The following ZNF804A variants were observed in gnomAD, a reference collection of about 807,000 sequenced individuals.
ZNF804A encodes the protein zinc finger protein 804A.
In ZNF804A, 2 loss-of-function variants were observed where a neutral mutation model predicts 16.5. The observed-to-expected ratio is 0.12, with a 90% CI of 0.05 to 0.38. ZNF804A has a LOEUF of 0.38. Ranked by LOEUF, ZNF804A falls within the 10% of genes least tolerant of loss-of-function variation. The pLI is 0.99. For missense variants in ZNF804A, 1,473 were observed against 1,390.7 expected, an observed-to-expected ratio of 1.06 and a Z score of -0.94; for synonymous variants, 534 against 489.6, an observed-to-expected ratio of 1.09 and a Z score of -1.20.
At chr2:184,795,577 T>A in intron 1 of ZNF804A, among the ~76,000 whole-genome samples, 1 of 150,280 alleles carries the variant, frequency 6.7e-6, no homozygotes, top group Non-Finnish European at 1.5e-5. Flanking sequence ...AGGATCAGAG[T>A]AGAAATAAAT....
At chr2:184,927,618 A>C (rs888203856) in intron 2 of ZNF804A, among the ~76,000 whole-genome samples, 4 of 152,188 alleles carry the variant, frequency 2.6e-5, no homozygotes, top group African/African-American at 7.2e-5. Context: ...TCTTAAAGCC[A>C]GGGTCCAGAA....
intron 1 of ZNF804A, among the ~76,000 whole-genome samples, chr2:184,727,045 A>G (rs1040382508): frequency 1.3e-5 from 2 of 151,664 alleles, no homozygotes; most frequent in African/African-American, 4.8e-5. Flanking sequence ...AACCTTATCT[A>G]TAAGCAAAAT....
intron 1 of ZNF804A, among the ~76,000 whole-genome samples, chr2:184,803,320 G>A (rs1413341531): frequency 6.6e-6 from 1 of 151,952 alleles, no homozygotes; most frequent in East Asian, 1.9e-4. Flanking sequence ...CACCCTGACT[G>A]CCATATTTAT....
intron 1 of ZNF804A, among the ~76,000 whole-genome samples, chr2:184,809,417 T>C (rs1694858722): frequency 6.6e-6 from 1 of 151,762 alleles, no homozygotes; most frequent in Non-Finnish European, 1.5e-5. Context: ...AAAAGAAAAG[T>C]ATTCTGGATT....
rs892601797 is a variant in ZNF804A at position 184,682,054 on chromosome 2, G to T, written c.111+82984G>T. Among the ~76,000 whole-genome samples the T allele has an allele frequency of 3.9e-5, 6 of 152,206 alleles. No homozygotes were observed. The South Asian group carries it at 6.2e-4, about 16-fold the overall frequency. Reference sequence around the variant, plus strand: ...GCCTCAGCCCCCTCTGAAACTTTGGGCACCAACAAGCTTAGGGAGGGAGAC... The same window carrying T: ...GCCTCAGCCCCCTCTGAAACTTTGGTCACCAACAAGCTTAGGGAGGGAGAC... On this transcript the variant is annotated intron_variant, in intron 1 of 3. Coordinates refer to ENST00000302277, the MANE Select transcript of ZNF804A (RefSeq NM_194250.2).
intron 2 of ZNF804A, among the ~76,000 whole-genome samples, chr2:184,871,597 T>C (rs1182473913): frequency 1.3e-5 from 2 of 151,838 alleles, no homozygotes; most frequent in Non-Finnish European, 2.9e-5. Context: ...AAATACAGAA[T>C]ACAATATATA....
intron 2 of ZNF804A, among the ~76,000 whole-genome samples, chr2:184,926,759 AT>A (rs1685618791): frequency 6.6e-6 from 1 of 151,792 alleles, no homozygotes; most frequent in South Asian, 2.1e-4. Flanking sequence ...AAGCTCACTA[AT>A]TTTTTCTTCT....
At chr2:184,849,544 TC>T (rs1695571483) in intron 1 of ZNF804A, among the ~76,000 whole-genome samples, 1 of 151,948 alleles carries the variant, frequency 6.6e-6, no homozygotes, top group Non-Finnish European at 1.5e-5. Context: ...ATACCATCTT[TC>T]CCCAGTTAAA....
At chr2:184,617,165 A>G (rs1332271178) in intron 1 of ZNF804A, among the ~76,000 whole-genome samples, 1 of 152,142 alleles carries the variant, frequency 6.6e-6, no homozygotes, top group Admixed American at 6.6e-5. Context: ...AATTTAATAG[A>G]ATCTAACATC....
At chr2:184,897,313 C>A (rs1015894159) in intron 2 of ZNF804A, among the ~76,000 whole-genome samples, 2 of 152,030 alleles carry the variant, frequency 1.3e-5, no homozygotes, top group Non-Finnish European at 2.9e-5. Flanking sequence ...CAGGATTCCC[C>A]AGTGTTTTTT....
At chr2:184,801,519 G>C (rs188237034) in intron 1 of ZNF804A, among the ~76,000 whole-genome samples, 142 of 152,106 alleles carry the variant, frequency 9.3e-4, no homozygotes, top group African/African-American at 3.3e-3. Flanking sequence ...CATTTGGTAA[G>C]TGTCTATTAA....
At chr2:184,668,000 A>G (rs1692277891) in intron 1 of ZNF804A, among the ~76,000 whole-genome samples, 2 of 151,426 alleles carry the variant, frequency 1.3e-5, no homozygotes, top group African/African-American at 4.9e-5. Context: ...AATTTTCAGT[A>G]TATTCTAGTT....
At chr2:184,633,495 G>C (rs1386221152) in intron 1 of ZNF804A, among the ~76,000 whole-genome samples, 1 of 152,156 alleles carries the variant, frequency 6.6e-6, no homozygotes, top group South Asian at 2.1e-4. Flanking sequence ...ACCAGTAGAT[G>C]TCAGTCTGGG....
intron 1 of ZNF804A, among the ~76,000 whole-genome samples, chr2:184,857,631 T>C (rs549264902): frequency 6.6e-6 from 1 of 152,284 alleles, no homozygotes; most frequent in South Asian, 2.1e-4. Flanking sequence ...AGATATTTAA[T>C]ATTAGTTTTA....
At position 184,799,307 on chromosome 2, in the gene ZNF804A, A is replaced by AT. The variant is rs202120754; in HGVS notation, c.112-67054dup. On this transcript the variant is annotated intron_variant, in intron 1 of 3. Coordinates refer to ENST00000302277, the MANE Select transcript of ZNF804A (RefSeq NM_194250.2). The stretch of plus-strand genomic sequence containing the variant: ...ATGATGATTCCTGATGCACCGATTG[A>AT]TTTTTTTTAATGTCAAACTAGCCTT... Among the ~76,000 whole-genome samples the AT allele has an allele frequency of 6.2e-3, 948 of 151,710 alleles. 28 individuals are homozygous for AT. Among genetic ancestry groups the AT allele is most frequent in the Admixed American group, 0.052 (793 of 15,202 alleles).
intron 1 of ZNF804A, among the ~76,000 whole-genome samples, chr2:184,765,645 G>A (rs1694112710): frequency 7.0e-6 from 1 of 142,210 alleles, no homozygotes; most frequent in Non-Finnish European, 1.5e-5. Context: ...AAAGGGACAG[G>A]AATTGCTCAG....
intron 1 of ZNF804A, among the ~76,000 whole-genome samples, chr2:184,616,941 T>C (rs1559109191): frequency 6.6e-6 from 1 of 152,120 alleles, no homozygotes; most frequent in South Asian, 2.1e-4. Context: ...TCCTGAAGAA[T>C]GTTTGGATGT....
rs1054821391 is a variant in ZNF804A at position 184,678,625 on chromosome 2, T to C, written c.111+79555T>C. Among the ~76,000 whole-genome samples, 10 of 152,136 alleles carry C rather than the reference T, an allele frequency of 6.6e-5. 1 individual carries two copies. Among genetic ancestry groups the C allele is most frequent in the African/African-American group, 2.2e-4 (9 of 41,438 alleles). On this transcript the variant is annotated intron_variant, in intron 1 of 3. Transcript: ENST00000302277. Reference sequence around the variant, plus strand: ...TACAGGATGATGCCGGAGAAAAGCATTTGCATTGCTTTTCTTGATTTAAGC... The same window carrying C: ...TACAGGATGATGCCGGAGAAAAGCACTTGCATTGCTTTTCTTGATTTAAGC...
At chr2:184,778,392 G>A (rs1340337426) in intron 1 of ZNF804A, among the ~76,000 whole-genome samples, 1 of 151,442 alleles carries the variant, frequency 6.6e-6, no homozygotes, top group Non-Finnish European at 1.5e-5. Flanking sequence ...TTTGTTGGGT[G>A]TACATTATAG....
Sources: allele counts gnomAD v4.1 joint callset (sites outside exome capture counted in the v4.1 genomes callset), GRCh38; gene constraint gnomAD v4.1.1; transcripts MANE v1.5; gene names NCBI Gene and HGNC (gene_info 2026-07-23, HGNC 2026-07-21).